CLDN14: variants seen among roughly 807,000 people sequenced by gnomAD.
CLDN14 encodes claudin 14.
CLDN14 carries 2 observed loss-of-function variants against 2.1 expected under a neutral mutation model. That is an observed-to-expected ratio of 0.96 (90% CI 0.39 to 3.01). The LOEUF (loss-of-function observed/expected upper bound fraction) is 3.01, where lower values mean the gene tolerates loss of function less well. Among genes scored for constraint, CLDN14 ranks in the 30% most tolerant of loss-of-function variants. The probability of loss-of-function intolerance (pLI) is 0.09; values close to 1 mark genes in which losing one functional copy is unlikely to be tolerated. For synonymous variants in CLDN14, 136 were observed against 154.4 expected, an observed-to-expected ratio of 0.88 and a Z score of 0.88; for missense variants, 298 against 328.0, an observed-to-expected ratio of 0.91 and a Z score of 0.71.
chr21:36,568,108 G>A (rs1410818460), intron 1 of CLDN14, among the ~76,000 whole-genome samples: 12 of 152,326 alleles, frequency 7.9e-5, no homozygotes, highest in Admixed American at 6.5e-4. Context: ...TAAAGGACAA[G>A]TGGGAGGTTA....
Position 36,564,482 on chromosome 21 carries a change from C to T in CLDN14, c.-220+11929G>A, listed in dbSNP as rs192009386. Among the ~76,000 whole-genome samples, 8 of 152,280 alleles carry T rather than the reference C, an allele frequency of 5.3e-5. No individual in the cohort carries two copies. In the East Asian group the frequency reaches 7.7e-4, roughly 15 times the overall value. On this transcript the variant is annotated intron_variant, in intron 1 of 2. Coordinates refer to the CLDN14 transcript ENST00000342108. ...CCAGTATCTAGAACAGGTGTGGTTTCGCCCCTGGAGGACAGCCTTGGCTGA... is the reference window on the plus strand; with the variant it reads ...CCAGTATCTAGAACAGGTGTGGTTTTGCCCCTGGAGGACAGCCTTGGCTGA...
chr21:36,539,848 A>C (rs1456145785), intron 1 of CLDN14, among the ~76,000 whole-genome samples: 1 of 143,318 alleles, frequency 7.0e-6, no homozygotes, highest in Non-Finnish European at 1.5e-5. Context: ...GTGTGTGTGC[A>C]GAGTGAGTGT....
intron 1 of CLDN14, among the ~76,000 whole-genome samples, chr21:36,564,083 G>A (rs376469953): frequency 3.9e-5 from 6 of 152,318 alleles, no homozygotes; most frequent in African/African-American, 7.2e-5. Context: ...GAGAAATGCC[G>A]AAGATGAGGC....
At chr21:36,519,944 T>C (rs776805773) in intron 1 of CLDN14, among the ~76,000 whole-genome samples, 5 of 152,148 alleles carry the variant, frequency 3.3e-5, no homozygotes, top group Non-Finnish European at 5.9e-5. Context: ...GACAGTGTTT[T>C]TGTTTTCTAG....
intron 2 of CLDN14, among the ~76,000 whole-genome samples, chr21:36,489,131 A>AAAAAAAAATATATATATAT: frequency 4.8e-5 from 3 of 62,746 alleles, no homozygotes; most frequent in Middle Eastern, 0.017. Context: ...AAAAAAAAAA[A>AAAAAAAAATATATATATAT]ATATATATAT....
intron 1 of CLDN14, among the ~76,000 whole-genome samples, chr21:36,548,613 G>A (rs895800511): frequency 2.0e-5 from 3 of 152,186 alleles, no homozygotes; most frequent in Non-Finnish European, 2.9e-5. Flanking sequence ...GCAGGTTAGA[G>A]GGTTGCGTGG....
chr21:36,514,618 AGAAAGT>A (rs56344749), intron 1 of CLDN14, among the ~76,000 whole-genome samples: 81,378 of 135,038 alleles, frequency 0.6, 26,385 homozygotes, highest in Non-Finnish European at 0.77. Flanking sequence ...TTATCGTGAG[AGAAAGT>A]GTGTGTGTGT....
At chr21:36,519,763 C>G (rs145505118) in intron 1 of CLDN14, among the ~76,000 whole-genome samples, 5 of 151,960 alleles carry the variant, frequency 3.3e-5, no homozygotes, top group Non-Finnish European at 7.4e-5. Context: ...AACCCACAAC[C>G]TATTGTCCAG....
intron 1 of CLDN14, among the ~76,000 whole-genome samples, chr21:36,463,714 AAAAT>A (rs1366264474): frequency 2.0e-5 from 3 of 152,202 alleles, no homozygotes; most frequent in Admixed American, 1.3e-4. Context: ...TCTGTCTTGA[AAAAT>A]AAATAAAATA....
intron 2 of CLDN14, among the ~76,000 whole-genome samples, chr21:36,503,908 C>T (rs1054072823): frequency 1.9e-4 from 29 of 151,606 alleles, no homozygotes; most frequent in Non-Finnish European, 7.4e-5. Flanking sequence ...TGAATGGCAT[C>T]CTACAAAGTT....
At chr21:36,542,355 G>C (rs961938265) in intron 1 of CLDN14, among the ~76,000 whole-genome samples, 1 of 152,212 alleles carries the variant, frequency 6.6e-6, no homozygotes. Context: ...GGAGAGCAAG[G>C]CTCATATAGC....
intron 1 of CLDN14, among the ~76,000 whole-genome samples, chr21:36,563,733 C>A (rs752986493): frequency 1.3e-5 from 2 of 152,192 alleles, no homozygotes; most frequent in Admixed American, 6.5e-5. Context: ...AGTGGAGATG[C>A]GAAAGACACG....
At chr21:36,518,292 C>G (rs2087243603) in intron 1 of CLDN14, among the ~76,000 whole-genome samples, 1 of 152,138 alleles carries the variant, frequency 6.6e-6, no homozygotes. Context: ...TTCATCTCAT[C>G]AAATGCTAAA....
intron 2 of CLDN14, among the ~76,000 whole-genome samples, chr21:36,510,209 A>T (rs2087173325): frequency 6.6e-6 from 1 of 152,246 alleles, no homozygotes. Context: ...AAGCGGTGGC[A>T]GCTGCCCTCA....
At chr21:36,490,344 C>T (rs1407559720) in intron 2 of CLDN14, among the ~76,000 whole-genome samples, 1 of 151,490 alleles carries the variant, frequency 6.6e-6, no homozygotes, top group African/African-American at 2.4e-5. Flanking sequence ...GCTGGGACTA[C>T]AGGTGCGAAC....
rs538095987 is a variant in CLDN14, at chr21:36,562,761, A to G, written c.-220+13650T>C. ...TTTCCCGCCTGGGGAATAGGCAGTG[A>G]TCATCTGGGATGGAGACTTGGCTGG... On this transcript the variant is annotated intron_variant, in intron 1 of 2. Coordinates refer to the CLDN14 transcript ENST00000342108. Among the ~76,000 whole-genome samples, 296 of 151,708 alleles carry G rather than the reference A, an allele frequency of 2.0e-3. 1 individual carries two copies. Among genetic ancestry groups the G allele is most frequent in the African/African-American group, 6.5e-3 (267 of 41,250 alleles).
At chr21:36,557,314 T>G (rs2087605822) in intron 1 of CLDN14, among the ~76,000 whole-genome samples, 1 of 150,872 alleles carries the variant, frequency 6.6e-6, no homozygotes, top group African/African-American at 2.4e-5. Context: ...TATTCACATG[T>G]GGGATTGCTG....
rs537497618 is a variant in CLDN14 at position 36,499,538 on chromosome 21, G to C, written c.-82+10825C>G. Among the ~76,000 whole-genome samples, 1 of 152,196 alleles carries C rather than the reference G, an allele frequency of 6.6e-6. No homozygotes were observed. The highest frequency in any genetic ancestry group is 2.1e-4 in the South Asian group (1 of 4,818). On this transcript the variant is annotated intron_variant, in intron 2 of 2. Transcript: ENST00000342108. This position sits in a 1 kb window ranked among gnomAD's most constrained non-coding sequence, Gnocchi z 4.7. ...TGTGTTTAGAGTCTCTAAAGTTGTT[G>C]CAGGGGGCTTGTTGCAATGTCCGTA...
At chr21:36,531,064 C>G (rs1601625961) in intron 1 of CLDN14, among the ~76,000 whole-genome samples, 1 of 151,824 alleles carries the variant, frequency 6.6e-6, no homozygotes, top group Non-Finnish European at 1.5e-5. Flanking sequence ...AACCCTGTCT[C>G]TACTAAAAAA....
Sources: allele counts gnomAD v4.1 joint callset (sites outside exome capture counted in the v4.1 genomes callset), GRCh38; gene constraint gnomAD v4.1.1; non-coding constraint Gnocchi (gnomAD v3.1); transcripts MANE v1.5; gene names NCBI Gene and HGNC (gene_info 2026-07-23, HGNC 2026-07-21).